Variants in KCNIP4 observed in about 807,000 individuals in gnomAD.
KCNIP4 encodes potassium voltage-gated channel interacting protein 4.
Under a neutral mutation model 34.0 loss-of-function variants are expected in KCNIP4, and 12 were observed. The ratio of observed to expected loss-of-function variants is 0.35; its 90% CI spans 0.23 to 0.57. The LOEUF is 0.57. KCNIP4 is among the 20% of genes least tolerant of loss of function. The pLI is 0.83. For synonymous variants in KCNIP4, 124 were observed against 102.2 expected (o/e 1.21, Z -1.29); for missense variants, 238 against 311.7 (o/e 0.76, Z 1.78).
chr4:21,097,941 T>C (rs867299241), intron 1 of KCNIP4, among the ~76,000 whole-genome samples: 9 of 152,138 alleles, frequency 5.9e-5, no homozygotes, highest in African/African-American at 1.9e-4. Flanking sequence ...AAGTTGTGAA[T>C]GCAAAGGAAG....
At chr4:20,760,575 G>A (rs996448382) in intron 3 of KCNIP4, among the ~76,000 whole-genome samples, 4 of 152,148 alleles carry the variant, frequency 2.6e-5, no homozygotes, top group African/African-American at 9.7e-5. Context: ...ATGTGAATTT[G>A]TGTTTACAGA....
chr4:21,714,819 ATT>A (rs1306227714), intron 1 of KCNIP4, among the ~76,000 whole-genome samples: 232 of 624 alleles, frequency 0.37, 33 homozygotes, highest in African/African-American at 0.45. Flanking sequence ...ATTTTATTTT[ATT>A]TTATTTTATT....
chr4:21,856,452 G>T (rs1393771601), intron 1 of KCNIP4, among the ~76,000 whole-genome samples: 1 of 152,194 alleles, frequency 6.6e-6, no homozygotes, highest in Non-Finnish European at 1.5e-5. Context: ...CATGCGGCGG[G>T]AGAGGACTGG....
At chr4:21,832,896 CA>C (rs928153756) in intron 1 of KCNIP4, among the ~76,000 whole-genome samples, 2 of 151,066 alleles carry the variant, frequency 1.3e-5, no homozygotes, top group Non-Finnish European at 2.9e-5. Flanking sequence ...CAATTTCATC[CA>C]TGTCCCTACA....
At chr4:21,455,685 C>A (rs560874661) in intron 1 of KCNIP4, among the ~76,000 whole-genome samples, 2 of 149,424 alleles carry the variant, frequency 1.3e-5, no homozygotes, top group South Asian at 4.2e-4. Flanking sequence ...AGCCCTCAAC[C>A]AAGTTTCTAT....
rs190939567 is a variant in KCNIP4 at position 21,340,956 on chromosome 4, C to A, written c.62-458247G>T. Among the ~76,000 whole-genome samples the A allele has an allele frequency of 2.9e-4, 44 of 152,170 alleles. 1 individual carries two copies. Among genetic ancestry groups the A allele is most frequent in the Admixed American group, 8.5e-4 (13 of 15,262 alleles). On this transcript the variant is annotated intron_variant, in intron 1 of 8. Transcript: ENST00000382152. ...CATCGGTGGGAACCTCAGAATGTGACCTTATTGGAAAATATAGGGTATTTG... is the reference window on the plus strand; with the variant it reads ...CATCGGTGGGAACCTCAGAATGTGAACTTATTGGAAAATATAGGGTATTTG...
At chr4:21,112,957 C>A (rs941615578) in intron 1 of KCNIP4, among the ~76,000 whole-genome samples, 1 of 152,068 alleles carries the variant, frequency 6.6e-6, no homozygotes, top group Non-Finnish European at 1.5e-5. Flanking sequence ...AGATTGTATT[C>A]GCTTTCTAGT....
chr4:21,877,355 AAAAT>A (rs369426118), intron 1 of KCNIP4, among the ~76,000 whole-genome samples: 5 of 151,924 alleles, frequency 3.3e-5, no homozygotes, highest in East Asian at 1.9e-4. Flanking sequence ...CTCCATCTCA[AAAAT>A]AAATAAATAA....
At chr4:21,343,797 G>A (rs1717010155) in intron 1 of KCNIP4, among the ~76,000 whole-genome samples, 1 of 152,010 alleles carries the variant, frequency 6.6e-6, no homozygotes, top group South Asian at 2.1e-4. Flanking sequence ...GAAACTTATA[G>A]GCAGGAAGAA....
intron 1 of KCNIP4, among the ~76,000 whole-genome samples, chr4:21,111,012 C>T (rs1749117636): frequency 6.6e-6 from 1 of 152,146 alleles, no homozygotes; most frequent in Admixed American, 6.5e-5. Context: ...TATGTTTTCT[C>T]TCTATACAAA....
At chr4:21,062,293 T>C (rs951062653) in intron 1 of KCNIP4, among the ~76,000 whole-genome samples, 1 of 152,136 alleles carries the variant, frequency 6.6e-6, no homozygotes, top group African/African-American at 2.4e-5. Context: ...TCTTGCTATT[T>C]AAATAAAATA....
intron 1 of KCNIP4, among the ~76,000 whole-genome samples, chr4:21,829,976 CA>C (rs1296106608): frequency 6.6e-6 from 1 of 151,902 alleles, no homozygotes; most frequent in Non-Finnish European, 1.5e-5. Flanking sequence ...TTTTAAATGA[CA>C]ATAGTAAGTT....
At chr4:21,086,719 ATCT>A (rs1358137160) in intron 1 of KCNIP4, among the ~76,000 whole-genome samples, 1 of 151,874 alleles carries the variant, frequency 6.6e-6, no homozygotes, top group African/African-American at 2.4e-5. Context: ...TATGCTATAG[ATCT>A]TCTTTTTTCT....
chr4:21,552,075 A>C (rs1348802763), intron 1 of KCNIP4, among the ~76,000 whole-genome samples: 1 of 150,886 alleles, frequency 6.6e-6, no homozygotes, highest in African/African-American at 2.4e-5. Context: ...ACAAAAAAAA[A>C]CCTTTGTGTT....
intron 1 of KCNIP4, among the ~76,000 whole-genome samples, chr4:21,515,744 G>A (rs1017892782): frequency 5.9e-5 from 9 of 152,198 alleles, no homozygotes; most frequent in Admixed American, 5.9e-4. Flanking sequence ...CCAAAAGTGG[G>A]TTCCTTAGAA....
chr4:20,971,303 C>A (rs1734925952), intron 1 of KCNIP4, among the ~76,000 whole-genome samples: 1 of 152,010 alleles, frequency 6.6e-6, no homozygotes, highest in Admixed American at 6.6e-5. Context: ...TGAGATCAGA[C>A]AAGTATGTTG....
chr4:20,813,603 A>G (rs183669190), intron 3 of KCNIP4, among the ~76,000 whole-genome samples: 168 of 152,352 alleles, frequency 1.1e-3, no homozygotes, highest in Non-Finnish European at 1.6e-3. Flanking sequence ...AACTCAACAA[A>G]TGTGGTAATA....
chr4:21,527,313 TA>T (rs985910062), intron 1 of KCNIP4, among the ~76,000 whole-genome samples: 5 of 152,174 alleles, frequency 3.3e-5, no homozygotes, highest in African/African-American at 1.2e-4. Context: ...CCTTGGCTAA[TA>T]TTTTTTTTAA....
chr4:21,170,427 AC>A (rs1404744135), intron 1 of KCNIP4, among the ~76,000 whole-genome samples: 1 of 152,206 alleles, frequency 6.6e-6, no homozygotes, highest in African/African-American at 2.4e-5. Flanking sequence ...TTAGGTAAGC[AC>A]TAAAAAGCAA....
Sources: allele counts gnomAD v4.1 joint callset (sites outside exome capture counted in the v4.1 genomes callset), GRCh38; gene constraint gnomAD v4.1.1; transcripts MANE v1.5; gene names NCBI Gene and HGNC (gene_info 2026-07-23, HGNC 2026-07-21).